The following GMEB1 variants were observed in gnomAD, a reference collection of about 807,000 sequenced individuals.
GMEB1 encodes glucocorticoid modulatory element binding protein 1.
A neutral mutation model predicts 52.4 loss-of-function variants in GMEB1; 6 were observed. The ratio of observed to expected loss-of-function variants is 0.11; its 90% CI spans 0.06 to 0.23. GMEB1 has a LOEUF of 0.23. Ranked by LOEUF, GMEB1 falls within the 10% of genes least tolerant of loss-of-function variation. GMEB1 has a pLI of 1.00. For missense variants in GMEB1, 486 were observed against 685.6 expected, an observed-to-expected ratio of 0.71 and a Z score of 3.25; for synonymous variants, 255 against 244.9, an observed-to-expected ratio of 1.04 and a Z score of -0.38.
chr1:28,682,055 T>C lies in GMEB1; in HGVS notation c.-30-1528T>C, dbSNP rs538611062. The stretch of plus-strand genomic sequence containing the variant: ...TGCATCCATTGTGTGCCTACTCTGT[T>C]TGGGCACAGTCGTAGTCATCTTTAC... On this transcript the variant is annotated intron_variant, in intron 1 of 9. Coordinates refer to ENST00000373816, the MANE Select transcript of GMEB1 (RefSeq NM_001319674.2). 4.0e-5 allele frequency among the ~76,000 whole-genome samples: 6 copies of C among 151,798 alleles called. No homozygotes were observed. The South Asian group carries it at 6.2e-4, about 16-fold the overall frequency.
At chr1:28,682,740 AGATACT>A (rs914921549) in intron 1 of GMEB1, among the ~76,000 whole-genome samples, 1 of 152,002 alleles carries the variant, frequency 6.6e-6, no homozygotes, top group Non-Finnish European at 1.5e-5. Flanking sequence ...CTCCCTCCAC[AGATACT>A]GAGTATTTTA....
intron 1 of GMEB1, among the ~76,000 whole-genome samples, chr1:28,669,294 C>T (rs1668769885): frequency 6.6e-6 from 1 of 151,826 alleles, no homozygotes; most frequent in South Asian, 2.1e-4. Context: ...CCTGGGGTAT[C>T]CCCAAAGGCG....
intron 4 of GMEB1, 50 bp downstream of exon 4, chr1:28,691,759 A>G (rs758265525): frequency 1.7e-6 from 2 of 1,169,984 alleles, no homozygotes; most frequent in Non-Finnish European, 2.4e-6. Context: ...CTTGTTCTCA[A>G]AGGGTGTGAG....
intron 8 of GMEB1, among the ~76,000 whole-genome samples, chr1:28,710,234 G>A (rs1331622911): frequency 1.3e-5 from 2 of 152,152 alleles, no homozygotes; most frequent in African/African-American, 4.8e-5. Flanking sequence ...TGAACTCCTG[G>A]CCTCAAGCAA....
At chr1:28,687,538 GGC>G (rs1669740994) in intron 2 of GMEB1, among the ~76,000 whole-genome samples, 1 of 152,028 alleles carries the variant, frequency 6.6e-6, no homozygotes, top group Non-Finnish European at 1.5e-5. Context: ...TGAAACCAGG[GGC>G]CAGATCTTAA....
intron 6 of GMEB1, among the ~76,000 whole-genome samples, chr1:28,697,307 C>G (rs1670272742): frequency 6.6e-6 from 1 of 151,556 alleles, no homozygotes; most frequent in African/African-American, 2.4e-5. Context: ...CTCCTGGGTT[C>G]AAGCGATTCT....
intron 2 of GMEB1, among the ~76,000 whole-genome samples, chr1:28,686,628 C>CAAAA (rs67007069): frequency 1.5e-4 from 14 of 94,198 alleles, no homozygotes; most frequent in East Asian, 2.9e-4. Flanking sequence ...GATTCTGTCT[C>CAAAA]AAAAAAAAAA....
At position 28,692,929 on chromosome 1, in the gene GMEB1, T is replaced by G; in HGVS notation, c.337-13T>G. On this transcript the variant is annotated splice_polypyrimidine_tract_variant and intron_variant, in intron 4 of 9. Coordinates refer to ENST00000373816, the MANE Select transcript of GMEB1 (RefSeq NM_001319674.2). ...TGACATTAGACTCTTTGGACTTTTCTTTTTACTTTTAGTTCAATGATCAGT... is the reference window on the plus strand; with the variant it reads ...TGACATTAGACTCTTTGGACTTTTCGTTTTACTTTTAGTTCAATGATCAGT... 1.3e-6 allele frequency: 2 copies of G among 1,531,248 alleles called. No homozygotes were observed. The highest frequency in any genetic ancestry group is 1.8e-6 in the Non-Finnish European group (2 of 1,117,256). The allele number at this position is 1,531,248 out of a possible 1,614,324, so 94.9% of individuals were successfully genotyped here.
chr1:28,706,977 GTTTTT>G (rs1237383046), intron 8 of GMEB1, among the ~76,000 whole-genome samples: 1 of 82,748 alleles, frequency 1.2e-5, no homozygotes, highest in African/African-American at 5.7e-5. Context: ...TCCAGATTTG[GTTTTT>G]TTTTTTTTTT....
In GMEB1 at chr1:28,683,571, T is replaced by G; in HGVS notation, c.-30-12T>G. ...ACCAGATTAAGTTATTGGTGCTTCTTGTTCCCGACAGCAGTCCCAGCTATC... is the reference window on the plus strand; with the variant it reads ...ACCAGATTAAGTTATTGGTGCTTCTGGTTCCCGACAGCAGTCCCAGCTATC... On this transcript the variant is annotated splice_polypyrimidine_tract_variant and intron_variant, in intron 1 of 9. Transcript: ENST00000373816. 6.4e-7 allele frequency: 1 copy of G among 1,571,420 alleles called. No homozygotes were observed. Among genetic ancestry groups the G allele is most frequent in the African/African-American group, 1.4e-5 (1 of 72,712 alleles).
rs1280360126 is a variant in GMEB1, at chr1:28,714,134, G to C, written c.1053G>C (p.Gln351His). ...KQGQDHRLKS[Q>H]TVQNVVLMPV... ...GCCAGGATCACAGGCTGAAATCTCA[G>C]ACAGTTCAAAATGTGGTACTGATGC... The change falls in exon 10 of 10, where the codon CAG (glutamine) becomes CAC (histidine). Residue 351 changes from glutamine (Q) to histidine (H), a missense_variant. Gln to His is a conservative substitution (Grantham distance 24, BLOSUM62 0). Around this residue, in one of 5 missense-constraint regions of GMEB1, gnomAD observed 200 missense variants for 253.5 expected, o/e 0.79. Coordinates refer to ENST00000373816, the MANE Select transcript of GMEB1 (RefSeq NM_001319674.2). 6.2e-7 allele frequency: 1 copy of C among 1,614,022 alleles called. No homozygotes were observed. Among genetic ancestry groups the C allele is most frequent in the African/African-American group, 1.3e-5 (1 of 74,918 alleles).
At chr1:28,701,702 G>A (rs543812743) in intron 6 of GMEB1, among the ~76,000 whole-genome samples, 9 of 152,166 alleles carry the variant, frequency 5.9e-5, no homozygotes, top group African/African-American at 2.2e-4. Flanking sequence ...CTGAGTAGCT[G>A]TAACTACAGA....
At chr1:28,672,551 A>T (rs1039978894) in intron 1 of GMEB1, among the ~76,000 whole-genome samples, 20 of 151,422 alleles carry the variant, frequency 1.3e-4, no homozygotes, top group African/African-American at 4.4e-4. Flanking sequence ...GAAAGTGCCA[A>T]TATTATTATT....
At chr1:28,694,179 T>G (rs1359114989) in intron 5 of GMEB1, among the ~76,000 whole-genome samples, 1 of 151,686 alleles carries the variant, frequency 6.6e-6, no homozygotes, top group Non-Finnish European at 1.5e-5. Flanking sequence ...ACATGGTCTG[T>G]GTGTTGTAGG....
chr1:28,710,705 C>A, intron 9 of GMEB1, 63 bp downstream of exon 9: 2 of 1,181,126 alleles, frequency 1.7e-6, no homozygotes, highest in Non-Finnish European at 2.2e-6. Context: ...TTCCCATTTT[C>A]TTGTTGACTT....
rs1225427731 is a variant in GMEB1, at chr1:28,714,158, G to A, written c.1077G>A (p.Met359Ile). ...AGACAGTTCAAAATGTGGTACTGAT[G>A]CCTGTGAGCACTCCTAAGCCTCCAA... ...KSQTVQNVVL[M>I]PVSTPKPPKR... Residue 359 changes from methionine to isoleucine, a missense_variant, in exon 10 of 10, where the codon ATG becomes ATA. Physicochemically the swap from Met to Ile is conservative, Grantham distance 10. Transcript: ENST00000373816. The A allele has an allele frequency of 6.2e-7, 1 of 1,614,146 alleles. No individual in the cohort carries two copies. The highest frequency in any genetic ancestry group is 2.2e-5 in the East Asian group (1 of 44,884).
In GMEB1 at chr1:28,683,913, T is replaced by A. The variant is rs146692780; in HGVS notation, c.128+173T>A. On this transcript the variant is annotated intron_variant, in intron 2 of 9. Coordinates refer to ENST00000373816, the MANE Select transcript of GMEB1 (RefSeq NM_001319674.2). ...CGTGCTGTATTTGTCATTTTAATAC[T>A]TATTACCAACAGTTACTTGTTTCCT... Among the ~76,000 whole-genome samples, 569 of 152,324 alleles carry A rather than the reference T, an allele frequency of 3.7e-3. 5 individuals carry two copies. The highest frequency in any genetic ancestry group is 0.013 in the African/African-American group (545 of 41,584).
At chr1:28,703,012 A>G (rs371342345) in intron 7 of GMEB1, among the ~76,000 whole-genome samples, 2 of 152,070 alleles carry the variant, frequency 1.3e-5, no homozygotes, top group South Asian at 2.1e-4. Flanking sequence ...GCAAGACTCC[A>G]TCTCAAAAAA....
chr1:28,681,115 A>G (rs1282762216), intron 1 of GMEB1, among the ~76,000 whole-genome samples: 2 of 152,196 alleles, frequency 1.3e-5, no homozygotes, highest in African/African-American at 2.4e-5. Context: ...AAAAGCCAAC[A>G]AAGTGAGATG....
Sources: allele counts gnomAD v4.1 joint callset (sites outside exome capture counted in the v4.1 genomes callset), GRCh38; gene constraint gnomAD v4.1.1; regional missense constraint gnomAD v4.1.1; transcripts MANE v1.5; gene names NCBI Gene and HGNC (gene_info 2026-07-23, HGNC 2026-07-21).